The following EXOC5 variants were observed in gnomAD, a reference collection of about 807,000 sequenced individuals.
EXOC5 encodes SEC10-like 1.
EXOC5 carries 17 observed loss-of-function variants against 90.8 expected under a neutral mutation model. The observed-to-expected ratio is 0.19, with a 90% CI of 0.13 to 0.28. The LOEUF (loss-of-function observed/expected upper bound fraction) is 0.28. EXOC5 is among the 10% of genes least tolerant of loss of function. The probability of loss-of-function intolerance (pLI) is 1.00; values close to 1 mark genes in which losing one functional copy is unlikely to be tolerated. For missense variants in EXOC5, 569 were observed against 830.6 expected, an observed-to-expected ratio of 0.69 and a Z score of 3.87; for synonymous variants, 260 against 270.0, an observed-to-expected ratio of 0.96 and a Z score of 0.36.
chr14:57,231,460 A>C (rs749583636), intron 11 of EXOC5, 46 bp downstream of exon 11: 12 of 1,312,698 alleles, frequency 9.1e-6, no homozygotes, highest in Non-Finnish European at 1.2e-5. Flanking sequence ...TAATGAAGTT[A>C]TTAATGTCTT....
At chr14:57,253,976 AAAAG>A (rs1314380929) in intron 1 of EXOC5, among the ~76,000 whole-genome samples, 1 of 152,202 alleles carries the variant, frequency 6.6e-6, no homozygotes, top group African/African-American at 2.4e-5. Context: ...CACAGGCAAC[AAAAG>A]AAAAAAATAG....
At chr14:57,230,044 G>A (rs751834967) in intron 11 of EXOC5, among the ~76,000 whole-genome samples, 163 bp from the exon 12 acceptor site, 4 of 152,122 alleles carry the variant, frequency 2.6e-5, no homozygotes, top group Non-Finnish European at 5.9e-5. Context: ...AGTTAGCCCT[G>A]ATATCTAAAC....
chr14:57,242,806 G>C (rs1883910331), intron 4 of EXOC5, among the ~76,000 whole-genome samples: 1 of 152,082 alleles, frequency 6.6e-6, no homozygotes, highest in Non-Finnish European at 1.5e-5. Context: ...GTAGAACTAG[G>C]CCAAAAATTA....
intron 10 of EXOC5, chr14:57,232,021 C>T (rs1883502918): frequency 1.2e-5 from 3 of 249,190 alleles, no homozygotes; most frequent in Admixed American, 5.1e-5. Flanking sequence ...TGTCTAATGC[C>T]ATTCATCACA....
intron 14 of EXOC5, among the ~76,000 whole-genome samples, chr14:57,218,670 G>A (rs771288932): frequency 5.3e-5 from 8 of 151,918 alleles, no homozygotes; most frequent in Non-Finnish European, 8.8e-5. Flanking sequence ...TATGATTCAG[G>A]GATTACAAGT....
Position 57,232,756 on chromosome 14 carries a change from GA to G in EXOC5, c.856-8del. The G allele has an allele frequency of 4.3e-6, 6 of 1,399,520 alleles. No individual in the cohort carries two copies. Among genetic ancestry groups the G allele is most frequent in the Non-Finnish European group, 6.0e-6 (6 of 1,008,308 alleles). The allele number at this position is 1,399,520 out of a possible 1,614,324, so 86.7% of individuals were successfully genotyped here. ...ACTGCTCTTTCACAAAACTCTAAAA[GA>G]AAAAGGTTAACATTCTGTTAATTAG... is the stretch of plus-strand genomic sequence containing the variant. On this transcript the variant is annotated splice_region_variant and splice_polypyrimidine_tract_variant and intron_variant, in intron 9 of 17. Transcript: ENST00000621441.
At chr14:57,238,815 A>T (rs1037517120) in intron 5 of EXOC5, among the ~76,000 whole-genome samples, 3 of 152,110 alleles carry the variant, frequency 2.0e-5, no homozygotes, top group Admixed American at 6.6e-5. Flanking sequence ...GAAGATCTTC[A>T]AGTATGAACA....
At chr14:57,224,295 C>A (rs1883238223) in intron 12 of EXOC5, among the ~76,000 whole-genome samples, 1 of 151,894 alleles carries the variant, frequency 6.6e-6, no homozygotes. Flanking sequence ...AAAGCTGGTT[C>A]TTCGGGGGGA....
chr14:57,255,000 A>G (rs1392487305), intron 1 of EXOC5, among the ~76,000 whole-genome samples: 2 of 152,232 alleles, frequency 1.3e-5, no homozygotes, highest in Admixed American at 1.3e-4. Context: ...AACTGGATGC[A>G]AAGTATGAAG....
chr14:57,249,747 T>TGGGATG (rs1268009041), intron 1 of EXOC5, among the ~76,000 whole-genome samples: 1 of 150,492 alleles, frequency 6.6e-6, no homozygotes, highest in Non-Finnish European at 1.5e-5. Flanking sequence ...TGGATAAGAG[T>TGGGATG]GGGATGATGA....
At chr14:57,232,952 T>C in intron 9 of EXOC5, 2 of 442,582 alleles carry the variant, frequency 4.5e-6, no homozygotes, top group East Asian at 4.0e-5. Context: ...CATATTTACC[T>C]GTAGAGGATC....
chr14:57,229,413 AT>A (rs1177856028), intron 12 of EXOC5, among the ~76,000 whole-genome samples: 1 of 152,186 alleles, frequency 6.6e-6, no homozygotes, highest in Non-Finnish European at 1.5e-5. Context: ...AGATCAAAAA[AT>A]ATTCAAGAAA....
chr14:57,232,222 A>C (rs1883508193), intron 10 of EXOC5: 1 of 154,886 alleles, frequency 6.5e-6, no homozygotes, highest in South Asian at 2.0e-4. Flanking sequence ...GACACTGAAG[A>C]AGAGTAATAG....
At chr14:57,253,442 T>C (rs1884250247) in intron 1 of EXOC5, among the ~76,000 whole-genome samples, 1 of 152,194 alleles carries the variant, frequency 6.6e-6, no homozygotes, top group Admixed American at 6.5e-5. Context: ...AGACTTAATA[T>C]TGTTACAACG....
At chr14:57,213,795 C>G (rs112668044) in intron 15 of EXOC5, among the ~76,000 whole-genome samples, 208 of 151,540 alleles carry the variant, frequency 1.4e-3, no homozygotes, top group African/African-American at 4.9e-3. Context: ...ATGGCAAAAC[C>G]CTGTCTCCAC....
chr14:57,259,826 G>A (rs1266472916), intron 1 of EXOC5, among the ~76,000 whole-genome samples: 2 of 152,194 alleles, frequency 1.3e-5, no homozygotes, highest in African/African-American at 2.4e-5. Context: ...GCAAGGGGAT[G>A]CTGTGTCATA....
intron 1 of EXOC5, among the ~76,000 whole-genome samples, chr14:57,262,466 A>C (rs530203267): frequency 6.6e-6 from 1 of 151,786 alleles, no homozygotes; most frequent in South Asian, 2.1e-4. Context: ...TGAGTTACTA[A>C]TTCATATTTC....
At chr14:57,210,327 G>A (rs961751900) in intron 15 of EXOC5, among the ~76,000 whole-genome samples, 1 of 152,074 alleles carries the variant, frequency 6.6e-6, no homozygotes, top group Non-Finnish European at 1.5e-5. Flanking sequence ...TCAGAAGTCT[G>A]TCATTAATTT....
intron 6 of EXOC5, 38 bp from the exon 7 acceptor site, chr14:57,235,858 A>C (rs1280924445): frequency 1.1e-6 from 1 of 949,308 alleles, no homozygotes; most frequent in African/African-American, 1.6e-5. Flanking sequence ...GAGGCATACA[A>C]GGCATCCACG....
Sources: gnomAD v4.1 joint callset for allele counts (sites outside exome capture counted in the v4.1 genomes callset) on GRCh38, gnomAD v4.1.1 for gene constraint, MANE v1.5 for transcripts, NCBI Gene and HGNC (gene_info 2026-07-23, HGNC 2026-07-21) for gene names.